The following BPNT2 variants were observed in gnomAD, a reference collection of about 807,000 sequenced individuals.
BPNT2 encodes the protein Golgi-resident adenosine 3',5'-bisphosphate 3'-phosphatase.
In BPNT2, 11 loss-of-function variants were observed where a neutral mutation model predicts 29.3. The observed-to-expected ratio is 0.38, with a 90% CI of 0.24 to 0.62. The LOEUF (loss-of-function observed/expected upper bound fraction) is 0.62. Among genes scored for constraint, BPNT2 ranks in the 20% least tolerant of loss-of-function variants. The pLI, the probability that BPNT2 is intolerant of heterozygous loss-of-function variation, is 0.62. For synonymous variants in BPNT2, 195 were observed against 187.7 expected (o/e 1.04, Z -0.32); for missense variants, 459 against 473.4 (o/e 0.97, Z 0.28).
chr8:56,988,360 G>A (rs1319944459), intron 1 of BPNT2, among the ~76,000 whole-genome samples: 3 of 152,100 alleles, frequency 2.0e-5, no homozygotes, highest in East Asian at 3.9e-4. Flanking sequence ...AATTTATTGG[G>A]TATATGAATA....
At chr8:56,975,951 G>A (rs2129204850) in intron 3 of BPNT2, among the ~76,000 whole-genome samples, 1 of 152,214 alleles carries the variant, frequency 6.6e-6, no homozygotes, top group East Asian at 1.9e-4. Flanking sequence ...CTGTGTAGCA[G>A]TACTATGCTG....
rs557528359 is a variant in BPNT2, at chr8:56,963,455, T to C, written c.*338A>G. The C allele has an allele frequency of 1.3e-4, 31 of 241,698 alleles. No homozygotes were observed. The highest frequency in any genetic ancestry group is 6.5e-4 in the African/African-American group (29 of 44,726). The allele number at this position is 241,698 out of a possible 1,614,324, so 15.0% of individuals were successfully genotyped here. On this transcript the variant is annotated 3_prime_UTR_variant, in exon 5 of 5. Coordinates refer to ENST00000262644, the MANE Select transcript of BPNT2 (RefSeq NM_017813.5). ...TCAACCGAATTCTATATGAAAGTAC[T>C]AACAGTGAAGATTCATGATGTTGTG...
At position 56,959,162 on chromosome 8, in the gene BPNT2, A is replaced by T. The variant is rs1805786471; in HGVS notation, c.*4631T>A. On this transcript the variant is annotated 3_prime_UTR_variant, in exon 5 of 5. Transcript: ENST00000262644. ...TAAGGGAACCCTTACAATATATAACAAGTCATTTCAATATTATTCATCATC... is the reference window on the plus strand; with the variant it reads ...TAAGGGAACCCTTACAATATATAACTAGTCATTTCAATATTATTCATCATC... The T allele has an allele frequency of 1.3e-5, 2 of 152,206 alleles. No homozygotes were observed. The highest frequency in any genetic ancestry group is 2.4e-5 in the African/African-American group (1 of 41,452). 9.4% of individuals were successfully genotyped at this position (152,206 alleles called of 1,614,324 possible).
At chr8:56,970,654 A>T in intron 3 of BPNT2, among the ~76,000 whole-genome samples, 1 of 152,132 alleles carries the variant, frequency 6.6e-6, no homozygotes, top group East Asian at 1.9e-4. Flanking sequence ...ATAACTGTTA[A>T]TTTTATTATA....
chr8:56,972,410 A>C (rs1806053986), intron 3 of BPNT2, among the ~76,000 whole-genome samples: 1 of 152,106 alleles, frequency 6.6e-6, no homozygotes, highest in Non-Finnish European at 1.5e-5. Flanking sequence ...AGATAAATGA[A>C]TACAGCGTAA....
chr8:56,990,630 T>A (rs1806402281), intron 1 of BPNT2, among the ~76,000 whole-genome samples: 1 of 152,148 alleles, frequency 6.6e-6, no homozygotes, highest in Admixed American at 6.5e-5. Context: ...ATGGAGCAGA[T>A]AATTCTTCGT....
Position 56,961,652 on chromosome 8 carries a change from ACAT to A in BPNT2, c.*2138_*2140del, listed in dbSNP as rs902205156. 2 of 152,204 alleles carry A rather than the reference ACAT, an allele frequency of 1.3e-5. No homozygotes were observed. The highest frequency in any genetic ancestry group is 2.9e-5 in the Non-Finnish European group (2 of 68,054). 9.4% of individuals were successfully genotyped at this position (152,204 alleles called of 1,614,324 possible). A position where few individuals can be genotyped will look rare whatever the true frequency, so the allele number is the denominator to read the frequency against. On this transcript the variant is annotated 3_prime_UTR_variant, in exon 5 of 5. Transcript: ENST00000262644. ...CGGGAGTTCGAGACCAGCCTGACCA[ACAT>A]GGAGAAACCCTGTCTCTAACAAAAA...
Position 56,959,765 on chromosome 8 carries a change from T to C in BPNT2, c.*4028A>G, listed in dbSNP as rs1377063652. 1.3e-5 allele frequency: 2 copies of C among 152,210 alleles called. No homozygotes were observed. The highest frequency in any genetic ancestry group is 2.4e-5 in the African/African-American group (1 of 41,452). The allele number at this position is 152,210 out of a possible 1,614,324, so 9.4% of individuals were successfully genotyped here. On this transcript the variant is annotated 3_prime_UTR_variant, in exon 5 of 5. Coordinates refer to ENST00000262644, the MANE Select transcript of BPNT2 (RefSeq NM_017813.5). The stretch of plus-strand genomic sequence containing the variant: ...GCTAGGTTATGCAAAAATAATTTTA[T>C]TTCAATTTAATTTTAATGAATCTCC...
At chr8:56,972,860 A>C (rs1317534020) in intron 3 of BPNT2, among the ~76,000 whole-genome samples, 1 of 152,088 alleles carries the variant, frequency 6.6e-6, no homozygotes, top group Non-Finnish European at 1.5e-5. Context: ...AAAAAAAAAA[A>C]AAATTTAAAA....
At chr8:56,992,597 A>G (rs938059383) in intron 1 of BPNT2, among the ~76,000 whole-genome samples, 2 of 152,144 alleles carry the variant, frequency 1.3e-5, no homozygotes, top group African/African-American at 2.4e-5. Flanking sequence ...AACAGCTGGT[A>G]TATTTCTAAG....
At chr8:56,987,763 C>G (rs1014450669) in intron 1 of BPNT2, among the ~76,000 whole-genome samples, 4 of 146,690 alleles carry the variant, frequency 2.7e-5, no homozygotes, top group African/African-American at 1.0e-4. Flanking sequence ...GAGTCTTGCT[C>G]TGTCACCCAG....
chr8:56,992,555 T>TCTTTA (rs1806434632), intron 1 of BPNT2, among the ~76,000 whole-genome samples: 1 of 152,028 alleles, frequency 6.6e-6, no homozygotes, highest in Admixed American at 6.6e-5. Flanking sequence ...CTGGAGTAAA[T>TCTTTA]ATGGATCTTT....
Position 56,963,705 on chromosome 8 carries a change from G to T in BPNT2, c.*88C>A. The stretch of plus-strand genomic sequence containing the variant: ...AAAAGTTCGGGATGGCCTTAACCAT[G>T]CATAGTCTCCACCAATCCTTTGAAG... On this transcript the variant is annotated 3_prime_UTR_variant, in exon 5 of 5. Transcript: ENST00000262644. The T allele has an allele frequency of 6.9e-7, 1 of 1,459,506 alleles. No homozygotes were observed. Among genetic ancestry groups the T allele is most frequent in the Non-Finnish European group, 9.6e-7 (1 of 1,044,104 alleles). The allele number at this position is 1,459,506 out of a possible 1,614,324, so 90.4% of individuals were successfully genotyped here. A position where few individuals can be genotyped will look rare whatever the true frequency, so the allele number is the denominator to read the frequency against.
At chr8:56,966,072 G>C (rs983600906) in intron 4 of BPNT2, 119 bp downstream of exon 4, 4 of 1,109,602 alleles carry the variant, frequency 3.6e-6, no homozygotes, top group Non-Finnish European at 2.7e-6. Context: ...AGCCTGTCTT[G>C]AAAGTACACC....
At chr8:56,981,488 C>T (rs1166871693) in intron 1 of BPNT2, among the ~76,000 whole-genome samples, 1 of 152,030 alleles carries the variant, frequency 6.6e-6, no homozygotes, top group Admixed American at 6.6e-5. Context: ...TCACTTGAAC[C>T]CTGGAGGTGG....
chr8:56,992,371 G>A (rs1806431387), intron 1 of BPNT2, among the ~76,000 whole-genome samples: 1 of 152,054 alleles, frequency 6.6e-6, no homozygotes, highest in African/African-American at 2.4e-5. Context: ...TGCAGTTTCT[G>A]GAACTGCAAA....
At chr8:56,989,185 C>A (rs1806371827) in intron 1 of BPNT2, among the ~76,000 whole-genome samples, 1 of 151,700 alleles carries the variant, frequency 6.6e-6, no homozygotes, top group South Asian at 2.1e-4. Flanking sequence ...TAAGATTATT[C>A]TCATGGTGAA....
intron 1 of BPNT2, among the ~76,000 whole-genome samples, chr8:56,991,676 T>C (rs1302125621): frequency 6.6e-6 from 1 of 152,224 alleles, no homozygotes; most frequent in Admixed American, 6.5e-5. Context: ...AAGTTGCTGT[T>C]AAGGATCAAA....
At chr8:56,991,515 C>T (rs2129207126) in intron 1 of BPNT2, among the ~76,000 whole-genome samples, 1 of 152,290 alleles carries the variant, frequency 6.6e-6, no homozygotes, top group Middle Eastern at 3.4e-3. Context: ...TGCTGTATTT[C>T]ACTATTACTG....
Sources: allele counts gnomAD v4.1 joint callset (sites outside exome capture counted in the v4.1 genomes callset), GRCh38; gene constraint gnomAD v4.1.1; transcripts MANE v1.5; gene names NCBI Gene and HGNC (gene_info 2026-07-23, HGNC 2026-07-21).